The following SNURF variants were observed in gnomAD, a reference collection of about 807,000 sequenced individuals.
The protein encoded by SNURF is SNURF protein.
Under a neutral mutation model 11.6 loss-of-function variants are expected in SNURF, and 6 were observed. The ratio of observed to expected loss-of-function variants is 0.52; its 90% confidence interval spans 0.28 to 1.02. The LOEUF (loss-of-function observed/expected upper bound fraction) is 1.02, where lower values mean the gene tolerates loss of function less well. SNURF is among the 50% of genes least tolerant of loss of function. SNURF has a pLI of 0.09. For missense variants in SNURF, 84 were observed against 88.4 expected, an observed-to-expected ratio of 0.95 and a Z score of 0.20; for synonymous variants, 29 against 31.6, an observed-to-expected ratio of 0.92 and a Z score of 0.27.
chr15:24,969,685 A>G (rs1258395247), downstream of SNURF, among the ~76,000 whole-genome samples: 1 of 152,214 alleles, frequency 6.6e-6, no homozygotes, highest in Non-Finnish European at 1.5e-5. Flanking sequence ...TAAGTCATAC[A>G]TTATAGTCTG....
chr15:24,974,413 A>G, intron 3 of SNURF: 2 of 1,608,520 alleles, frequency 1.2e-6, no homozygotes, highest in Non-Finnish European at 1.7e-6. Context: ...CAGAAGCATC[A>G]AGTTTTAACT....
intron 1 of SNURF, among the ~76,000 whole-genome samples, chr15:24,959,790 AGTT>A (rs2074474511): frequency 6.6e-6 from 1 of 152,190 alleles, no homozygotes; most frequent in African/African-American, 2.4e-5. Context: ...TGGACATTTG[AGTT>A]GTTTCCACTC....
chr15:24,960,538 A>G (rs908451162), intron 1 of SNURF, among the ~76,000 whole-genome samples: 30 of 152,058 alleles, frequency 2.0e-4, no homozygotes, highest in Admixed American at 7.2e-4. Context: ...ATGTTGCCCA[A>G]GCTGGTCTCC....
At chr15:24,958,223 A>G (rs2063228548) in intron 1 of SNURF, among the ~76,000 whole-genome samples, 1 of 152,112 alleles carries the variant, frequency 6.6e-6, no homozygotes, top group African/African-American at 2.4e-5. Context: ...AATTTTGTTT[A>G]TAAGGTGTCA....
intron 1 of SNURF, 67 bp from the exon 2 acceptor site, chr15:24,962,047 C>T (rs967909633): frequency 2.3e-6 from 3 of 1,289,568 alleles, no homozygotes; most frequent in Non-Finnish European, 3.4e-6. Context: ...TAAATATAAC[C>T]TTGACAAATA....
chr15:24,974,385 A>G, intron 3 of SNURF: 1 of 1,473,406 alleles, frequency 6.8e-7, no homozygotes, highest in Non-Finnish European at 9.5e-7. Flanking sequence ...CTTTATCTAT[A>G]GCCTTCCCCT....
chr15:24,970,626 ATAT>A (rs1054629727), downstream of SNURF, among the ~76,000 whole-genome samples: 1 of 152,164 alleles, frequency 6.6e-6, no homozygotes, highest in African/African-American at 2.4e-5. Flanking sequence ...TGGTACCTAA[ATAT>A]TTACCAGGGT....
At chr15:24,971,142 T>G (rs914413375), downstream of SNURF, among the ~76,000 whole-genome samples, 10 of 152,216 alleles carry the variant, frequency 6.6e-5, no homozygotes, top group Non-Finnish European at 1.5e-5. Flanking sequence ...TGTAGTTTAA[T>G]CATTTGAAAG....
intron 1 of SNURF, among the ~76,000 whole-genome samples, chr15:24,956,774 G>A (rs1015827744): frequency 6.6e-6 from 1 of 152,160 alleles, no homozygotes; most frequent in Non-Finnish European, 1.5e-5. Flanking sequence ...CCACGGTGCA[G>A]CAGTAGAGGA....
chr15:24,962,853 G>A (rs1596238180), intron 2 of SNURF, among the ~76,000 whole-genome samples: 1 of 152,108 alleles, frequency 6.6e-6, no homozygotes, highest in East Asian at 1.9e-4. Context: ...ATTAAAATTT[G>A]ATGCCATTAA....
intron 1 of SNURF, among the ~76,000 whole-genome samples, chr15:24,957,418 A>G (rs1031376935): frequency 6.6e-6 from 1 of 152,210 alleles, no homozygotes; most frequent in Non-Finnish European, 1.5e-5. Flanking sequence ...TAAATTAATG[A>G]TCATTTTTGA....
At chr15:24,975,789 TATTA>T (rs2076994541) in intron 4 of SNURF, among the ~76,000 whole-genome samples, 1 of 152,218 alleles carries the variant, frequency 6.6e-6, no homozygotes, top group South Asian at 2.1e-4. Flanking sequence ...AAAAATGCTA[TATTA>T]ATTAATTGGT....
chr15:24,972,339 G>A (rs981849261), downstream of SNURF, among the ~76,000 whole-genome samples: 1 of 151,284 alleles, frequency 6.6e-6, no homozygotes, highest in Non-Finnish European at 1.5e-5. Context: ...AGAATCATAA[G>A]ATAATATTCA....
chr15:24,963,617 GAA>G (rs796727910), intron 2 of SNURF, among the ~76,000 whole-genome samples: 2 of 131,522 alleles, frequency 1.5e-5, no homozygotes. Context: ...TCCATCTCAG[GAA>G]AAAAAAAAAA....
intron 3 of SNURF, chr15:24,974,495 T>C: frequency 6.2e-7 from 1 of 1,605,956 alleles, no homozygotes; most frequent in African/African-American, 1.3e-5. Flanking sequence ...AAATGTGCTG[T>C]AAGGGCCGAA....
intron 1 of SNURF, among the ~76,000 whole-genome samples, chr15:24,955,760 G>A (rs1182543610): frequency 6.6e-6 from 1 of 151,612 alleles, no homozygotes; most frequent in African/African-American, 2.4e-5. Flanking sequence ...CGGCGACAGT[G>A]GGTATTGGCG....
At chr15:24,966,292 T>A (rs532320635) in intron 2 of SNURF, among the ~76,000 whole-genome samples, 163 of 152,274 alleles carry the variant, frequency 1.1e-3, no homozygotes, top group East Asian at 2.9e-3. Flanking sequence ...TAGTTTTTTT[T>A]ATAAAGGATA....
chr15:24,978,528 CCT>C, downstream of SNURF: 2 of 1,187,138 alleles, frequency 1.7e-6, no homozygotes, highest in Non-Finnish European at 2.5e-6. Context: ...CTTTTTGTTC[CCT>C]CATTCTGCAT....
chr15:24,972,384 A>G (rs1436756950), downstream of SNURF, among the ~76,000 whole-genome samples: 4 of 152,138 alleles, frequency 2.6e-5, no homozygotes, highest in East Asian at 7.7e-4. Flanking sequence ...ACTCTTACTC[A>G]TATTTAGGAC....
Sources: gnomAD v4.1 joint callset for allele counts (sites outside exome capture counted in the v4.1 genomes callset) on GRCh38, gnomAD v4.1.1 for gene constraint, MANE v1.5 for transcripts, NCBI Gene and HGNC (gene_info 2026-07-23, HGNC 2026-07-21) for gene names.